The following SUFU variants were observed in gnomAD, a reference collection of about 807,000 sequenced individuals.
SUFU encodes the protein SUFU negative regulator of hedgehog signaling.
A neutral mutation model predicts 58.9 loss-of-function variants in SUFU; 7 were observed. The observed-to-expected ratio is 0.12, with a 90% CI of 0.07 to 0.22. The LOEUF is 0.22. Among genes scored for constraint, SUFU ranks in the 10% least tolerant of loss-of-function variants. The pLI is 1.00. For synonymous variants in SUFU, 232 were observed against 254.8 expected (o/e 0.91, Z 0.85); for missense variants, 451 against 641.3 (o/e 0.70, Z 3.20).
At chr10:102,572,795 C>T (rs2063175829) in intron 3 of SUFU, 3 of 811,848 alleles carry the variant, frequency 3.7e-6, no homozygotes, top group East Asian at 2.4e-5. Flanking sequence ...TCCAAAGCAT[C>T]GTAATCAGGA....
intron 11 of SUFU, among the ~76,000 whole-genome samples, chr10:102,627,965 A>C (rs1342467583): frequency 2.6e-5 from 4 of 152,068 alleles, no homozygotes; most frequent in Non-Finnish European, 4.4e-5. Context: ...GTGGGATGGG[A>C]GCTTTCCTGG....
chr10:102,523,457 C>A (rs1371498677), intron 2 of SUFU, among the ~76,000 whole-genome samples: 1 of 152,164 alleles, frequency 6.6e-6, no homozygotes, highest in East Asian at 1.9e-4. Flanking sequence ...GGCTACCAGT[C>A]CCAGGGGGGT....
intron 2 of SUFU, among the ~76,000 whole-genome samples, chr10:102,533,463 A>G (rs760027507): frequency 2.6e-5 from 4 of 151,720 alleles, no homozygotes; most frequent in Non-Finnish European, 5.9e-5. Flanking sequence ...GGTCCCAGCT[A>G]TTTGGGAGGT....
At chr10:102,529,980 A>G (rs1481662686) in intron 2 of SUFU, among the ~76,000 whole-genome samples, 1 of 151,814 alleles carries the variant, frequency 6.6e-6, no homozygotes, top group African/African-American at 2.4e-5. Context: ...AAAGTTGCAC[A>G]CTAACTGCCG....
rs377437935 is a variant in SUFU, at chr10:102,518,000, A to T, written c.317+8697A>T. On this transcript the variant is annotated intron_variant, in intron 2 of 11. Coordinates refer to ENST00000369902, the MANE Select transcript of SUFU (RefSeq NM_016169.4). ...GATGGTGAGGTCCTTGAGAAAGAAG[A>T]TGACAGTGAGGATTGGGACTGGGAG... Among the ~76,000 whole-genome samples the T allele has an allele frequency of 3.6e-4, 55 of 152,306 alleles. No homozygotes were observed. In the East Asian group the frequency reaches 9.3e-3, roughly 26 times the overall value.
chr10:102,595,860 G>T (rs1243588780), intron 6 of SUFU, among the ~76,000 whole-genome samples: 1 of 152,122 alleles, frequency 6.6e-6, no homozygotes, highest in Non-Finnish European at 1.5e-5. Context: ...CGCCTTCTGG[G>T]TCTTAACTTT....
chr10:102,629,930 T>C lies in SUFU; in HGVS notation c.1366-136T>C, dbSNP rs2063822639. 1 of 838,918 alleles carries C rather than the reference T, an allele frequency of 1.2e-6. No individual in the cohort carries two copies. The highest frequency in any genetic ancestry group is 2.1e-6 in the Non-Finnish European group (1 of 478,030). The allele number at this position is 838,918 out of a possible 1,614,324, so 52.0% of individuals were successfully genotyped here. On this transcript the variant is annotated intron_variant, in intron 11 of 11. Transcript: ENST00000369902. The surrounding 1 kb of genome is among the most constrained non-coding windows in gnomAD (Gnocchi z 4.7). ...CCAGCCTGCCACCTGGGTCTAGCATTTGAGAATGAAGCCACGCCTCCCGCG... is the reference window on the plus strand; with the variant it reads ...CCAGCCTGCCACCTGGGTCTAGCATCTGAGAATGAAGCCACGCCTCCCGCG...
At chr10:102,608,832 C>T (rs1034978656) in intron 8 of SUFU, among the ~76,000 whole-genome samples, 3 of 152,198 alleles carry the variant, frequency 2.0e-5, no homozygotes, top group African/African-American at 4.8e-5. Context: ...GTCCAAAATG[C>T]CAACATTTTG....
At chr10:102,580,127 C>T (rs1025838508) in intron 3 of SUFU, among the ~76,000 whole-genome samples, 1 of 149,512 alleles carries the variant, frequency 6.7e-6, no homozygotes, top group Non-Finnish European at 1.5e-5. Flanking sequence ...GGAAGCCCTG[C>T]AGAGGGGCTG....
At chr10:102,561,378 T>C (rs2063035914) in intron 3 of SUFU, among the ~76,000 whole-genome samples, 2 of 152,152 alleles carry the variant, frequency 1.3e-5, no homozygotes, top group Non-Finnish European at 2.9e-5. Flanking sequence ...TTTGTTTGTG[T>C]GTTTTGTTTG....
At chr10:102,531,701 G>A (rs1356926013) in intron 2 of SUFU, among the ~76,000 whole-genome samples, 1 of 152,130 alleles carries the variant, frequency 6.6e-6, no homozygotes, top group African/African-American at 2.4e-5. Context: ...TTGGAGGAAG[G>A]TATATTTATA....
At chr10:102,588,766 C>T (rs956038384) in intron 3 of SUFU, among the ~76,000 whole-genome samples, 2 of 152,180 alleles carry the variant, frequency 1.3e-5, no homozygotes, top group Non-Finnish European at 1.5e-5. Context: ...GATATTTTTC[C>T]GTTTATGTAG....
At chr10:102,521,388 G>T (rs1436865688) in intron 2 of SUFU, among the ~76,000 whole-genome samples, 4 of 152,000 alleles carry the variant, frequency 2.6e-5, no homozygotes, top group Admixed American at 6.6e-5. Flanking sequence ...ATGCTTTCTG[G>T]CATATTTTTC....
rs141406333 is a variant in SUFU at position 102,505,284 on chromosome 10, C to T, written c.182+950C>T. The stretch of plus-strand genomic sequence containing the variant: ...CTAATTTCCCATTCCTGTTTGCAGC[C>T]TGTTTCTTCCTTCAGCATTTGGGCA... On this transcript the variant is annotated intron_variant, in intron 1 of 11. Transcript: ENST00000369902. Among the ~76,000 whole-genome samples the T allele has an allele frequency of 9.7e-3, 1,470 of 152,320 alleles. 19 individuals carry two copies. Among genetic ancestry groups the T allele is most frequent in the Middle Eastern group, 0.034 (10 of 294 alleles).
intron 3 of SUFU, among the ~76,000 whole-genome samples, chr10:102,568,956 A>C (rs28410198): frequency 1.8e-5 from 2 of 109,926 alleles, no homozygotes; most frequent in African/African-American, 3.6e-5. Flanking sequence ...ATATATATAT[A>C]TATATATCTA....
intron 8 of SUFU, among the ~76,000 whole-genome samples, chr10:102,603,275 C>A (rs889106551): frequency 1.3e-5 from 2 of 152,190 alleles, no homozygotes; most frequent in African/African-American, 4.8e-5. Context: ...GATCCTCCTA[C>A]CTTGGCCTCC....
chr10:102,624,046 A>G (rs994020692), intron 10 of SUFU, among the ~76,000 whole-genome samples: 1 of 152,246 alleles, frequency 6.6e-6, no homozygotes, highest in Non-Finnish European at 1.5e-5. Context: ...TAAGGATTCA[A>G]TGAAATGACA....
intron 10 of SUFU, chr10:102,618,946 G>GTGTGTGTT: frequency 2.9e-6 from 2 of 694,794 alleles, no homozygotes; most frequent in East Asian, 5.5e-5. Context: ...GTGTGTGTGT[G>GTGTGTGTT]TGTGTGTGTG....
intron 2 of SUFU, among the ~76,000 whole-genome samples, chr10:102,538,231 G>T (rs964449132): frequency 6.6e-6 from 1 of 152,154 alleles, no homozygotes; most frequent in Non-Finnish European, 1.5e-5. Context: ...TTAGTGACTT[G>T]TAATGTCCTA....
Sources: gnomAD v4.1 joint callset for allele counts (sites outside exome capture counted in the v4.1 genomes callset) on GRCh38, gnomAD v4.1.1 for gene constraint, Gnocchi (gnomAD v3.1) non-coding constraint, MANE v1.5 for transcripts, NCBI Gene and HGNC (gene_info 2026-07-23, HGNC 2026-07-21) for gene names.